The following F8 variants were observed in gnomAD, a reference collection of about 807,000 sequenced individuals.
The protein encoded by F8 is antihemophilic factor.
Under a neutral mutation model 140.6 loss-of-function variants are expected in F8, and 12 were observed. The ratio of observed to expected loss-of-function variants is 0.09; its 90% CI spans 0.05 to 0.14. The LOEUF (loss-of-function observed/expected upper bound fraction) is 0.14. F8 is among the 10% of genes least tolerant of loss of function. The probability of loss-of-function intolerance (pLI) is 1.00; values close to 1 mark genes in which losing one functional copy is unlikely to be tolerated. For missense variants in F8, 1,354 were observed against 1,720.7 expected (o/e 0.79, Z 3.77); for synonymous variants, 585 against 614.6 (o/e 0.95, Z 0.71).
At chrX:154,923,489 C>T (rs1335302451) in intron 14 of F8, among the ~76,000 whole-genome samples, 1 of 111,803 alleles carries the variant, frequency 8.9e-6, no homozygotes, top group African/African-American at 3.3e-5. Flanking sequence ...CAGATCTTTC[C>T]TATGCTGTTC....
At chrX:154,903,083 C>A (rs2073018189) in intron 18 of F8, among the ~76,000 whole-genome samples, 1 of 111,859 alleles carries the variant, frequency 8.9e-6, no homozygotes, top group Non-Finnish European at 1.9e-5. Flanking sequence ...TGACTTTAGT[C>A]CTGTTTATTA....
chrX:154,841,040 T>C (rs1414531713), intron 25 of F8, among the ~76,000 whole-genome samples: 1 of 111,416 alleles, frequency 9.0e-6, no homozygotes, highest in African/African-American at 3.3e-5. Flanking sequence ...CAGGCAGACA[T>C]GAGGGCTGGG....
chrX:154,847,495 T>C (rs2148560404), intron 25 of F8, among the ~76,000 whole-genome samples: 1 of 112,173 alleles, frequency 8.9e-6, no homozygotes, highest in South Asian at 3.7e-4. Context: ...TTTTATTCTT[T>C]TTTCTCTAAA....
chrX:154,892,308 A>G (rs2072949645), intron 22 of F8, among the ~76,000 whole-genome samples: 1 of 112,141 alleles, frequency 8.9e-6, no homozygotes, highest in African/African-American at 3.2e-5. Flanking sequence ...ATAACATTTC[A>G]TTTCTTTTTC....
At chrX:155,008,352 C>CTT (rs1463089286) in intron 1 of F8, among the ~76,000 whole-genome samples, 7 of 112,279 alleles carry the variant, frequency 6.2e-5, no homozygotes, top group Non-Finnish European at 1.1e-4. Context: ...GGACCCGCAG[C>CTT]AGAAAGGCCC....
At chrX:154,838,048 G>T (rs890609349) in intron 25 of F8, among the ~76,000 whole-genome samples, 1 of 112,698 alleles carries the variant, frequency 8.9e-6, no homozygotes, top group African/African-American at 3.2e-5. Context: ...ACCATCTGGA[G>T]ATGAGAGTCA....
intron 25 of F8, among the ~76,000 whole-genome samples, chrX:154,838,079 C>T (rs2072489200): frequency 8.9e-6 from 1 of 112,566 alleles, no homozygotes; most frequent in African/African-American, 3.2e-5. Flanking sequence ...AGCAGACTCC[C>T]TTGTCAATGC....
At chrX:154,859,692 C>T (rs2072675767) in intron 25 of F8, among the ~76,000 whole-genome samples, 1 of 111,045 alleles carries the variant, frequency 9.0e-6, no homozygotes, top group African/African-American at 3.3e-5. Context: ...CTAGAATATC[C>T]AATGTCTAGA....
In F8 at chrX:154,954,054, A is replaced by G. The variant is rs782307847; in HGVS notation, c.1753-12T>C. On this transcript the variant is annotated splice_polypyrimidine_tract_variant and intron_variant, in intron 11 of 25. Coordinates refer to ENST00000360256, the MANE Select transcript of F8 (RefSeq NM_000132.4). The stretch of plus-strand genomic sequence containing the variant: ...TTGTCTGACATTATCTGTTAATTAC[A>G]TATATTGAAAGGGGTAAAGAAATGC... 1.5e-5 allele frequency: 18 copies of G among 1,206,961 alleles called. No individual in the cohort carries two copies. The African/African-American group carries it at 3.1e-4, about 21-fold the overall frequency.
chrX:154,991,007 G>T (rs2073584880), intron 4 of F8, among the ~76,000 whole-genome samples: 1 of 111,947 alleles, frequency 8.9e-6, no homozygotes, highest in African/African-American at 3.2e-5. Context: ...GCAATGGAAG[G>T]GGAAAGACAG....
chrX:154,876,617 C>T (rs1363299776), intron 22 of F8, among the ~76,000 whole-genome samples: 2 of 111,297 alleles, frequency 1.8e-5, no homozygotes, highest in East Asian at 2.8e-4. Context: ...TAAAGATTTA[C>T]CAAGGATTTT....
chrX:154,981,806 T>C (rs2073523616), intron 6 of F8, among the ~76,000 whole-genome samples: 1 of 111,704 alleles, frequency 9.0e-6, no homozygotes, highest in Non-Finnish European at 1.9e-5. Flanking sequence ...TGGAAATTTA[T>C]GACAATTTGA....
rs143124985 is a variant in F8, at chrX:154,891,987, G to A, written c.6429+4090C>T. Reference sequence around the variant, plus strand: ...GGATGACTGCTTCAGAGACTGGGGAGTGGTTGCCTCCTCAGGCAAAGGAGG... The same window carrying A: ...GGATGACTGCTTCAGAGACTGGGGAATGGTTGCCTCCTCAGGCAAAGGAGG... On this transcript the variant is annotated intron_variant, in intron 22 of 25. Transcript: ENST00000360256. Among the ~76,000 whole-genome samples, 211 of 111,878 alleles carry A rather than the reference G, an allele frequency of 1.9e-3. 3 individuals carry two copies. In the East Asian group the frequency reaches 0.041, roughly 22 times the overall value.
intron 25 of F8, among the ~76,000 whole-genome samples, chrX:154,847,821 G>C (rs2072581249): frequency 8.8e-6 from 1 of 113,172 alleles, no homozygotes; most frequent in African/African-American, 3.2e-5. Flanking sequence ...TTGTTCCGTT[G>C]CTGGCGAGGA....
At chrX:154,997,568 G>T (rs2073624339) in intron 2 of F8, among the ~76,000 whole-genome samples, 1 of 112,031 alleles carries the variant, frequency 8.9e-6, no homozygotes, top group Non-Finnish European at 1.9e-5. Flanking sequence ...TAATGAAAAA[G>T]AAGCAAGATT....
chrX:154,904,126 A>G, intron 17 of F8, 38 bp from the exon 18 acceptor site: 1 of 1,197,320 alleles, frequency 8.4e-7, no homozygotes, highest in Non-Finnish European at 1.1e-6. Context: ...AAAATCTATT[A>G]TATAAGTTTC....
intron 14 of F8, among the ~76,000 whole-genome samples, chrX:154,923,075 G>A (rs1217504865): frequency 9.0e-6 from 1 of 111,717 alleles, no homozygotes; most frequent in Non-Finnish European, 1.9e-5. Context: ...TGATAATTTA[G>A]ATGTGGTTGG....
At chrX:154,961,472 T>C (rs1467960159) in intron 9 of F8, among the ~76,000 whole-genome samples, 1 of 111,775 alleles carries the variant, frequency 8.9e-6, no homozygotes, top group African/African-American at 3.3e-5. Flanking sequence ...TCTAGATTTC[T>C]TACAGTACAT....
intron 12 of F8, 96 bp downstream of exon 12, chrX:154,953,796 G>A (rs1557280917): frequency 1.0e-6 from 1 of 987,836 alleles, no homozygotes; most frequent in Non-Finnish European, 1.4e-6. Context: ...TTAAATTTAT[G>A]TGCACATACA....
Sources: gnomAD v4.1 joint callset for allele counts (sites outside exome capture counted in the v4.1 genomes callset) on GRCh38, gnomAD v4.1.1 for gene constraint, MANE v1.5 for transcripts, NCBI Gene and HGNC (gene_info 2026-07-23, HGNC 2026-07-21) for gene names.